Variants in DAAM1 observed in about 807,000 individuals in gnomAD.
The protein encoded by DAAM1 is dishevelled associated activator of morphogenesis 1, also known as disheveled-associated activator of morphogenesis 1.
A neutral mutation model predicts 130.0 loss-of-function variants in DAAM1; 52 were observed. That is an observed-to-expected ratio of 0.40 (90% CI 0.32 to 0.50). DAAM1 has a LOEUF of 0.50. Among genes scored for constraint, DAAM1 ranks in the 20% least tolerant of loss-of-function variants. DAAM1 has a pLI of 0.61. For missense variants in DAAM1, 1,134 were observed against 1,303.8 expected, an observed-to-expected ratio of 0.87 and a Z score of 2.01; for synonymous variants, 452 against 444.5, an observed-to-expected ratio of 1.02 and a Z score of -0.21.
intron 2 of DAAM1, among the ~76,000 whole-genome samples, chr14:59,289,144 T>A (rs1883604107): frequency 6.6e-6 from 1 of 152,106 alleles, no homozygotes; most frequent in African/African-American, 2.4e-5. Context: ...CTTGATCTCC[T>A]GACCTCGTGA....
chr14:59,258,282 T>C (rs986727299), intron 1 of DAAM1, among the ~76,000 whole-genome samples: 1 of 152,180 alleles, frequency 6.6e-6, no homozygotes, highest in African/African-American at 2.4e-5. Context: ...TCTCTACCTT[T>C]ACCAGCAAAT....
rs565344555 is a variant in DAAM1, at chr14:59,192,824, C to T, written c.-38+4056C>T. Reference sequence around the variant, plus strand: ...ATCCCAGCACTTTGGGAGGCCAAGTCGGGAGGATCATGAGGTCAGGACATC... The same window carrying T: ...ATCCCAGCACTTTGGGAGGCCAAGTTGGGAGGATCATGAGGTCAGGACATC... On this transcript the variant is annotated intron_variant, in intron 1 of 24. Transcript: ENST00000360909. Among the ~76,000 whole-genome samples the T allele has an allele frequency of 1.9e-3, 289 of 152,264 alleles. 1 individual carries two copies. Among genetic ancestry groups the T allele is most frequent in the African/African-American group, 6.5e-3 (268 of 41,548 alleles).
At chr14:59,226,605 A>G (rs1004542607) in intron 1 of DAAM1, among the ~76,000 whole-genome samples, 1 of 152,208 alleles carries the variant, frequency 6.6e-6, no homozygotes, top group South Asian at 2.1e-4. Context: ...TGTAAAGTCA[A>G]TCTCTGTATG....
chr14:59,316,955 C>T (rs1461921543), intron 4 of DAAM1, among the ~76,000 whole-genome samples: 1 of 152,132 alleles, frequency 6.6e-6, no homozygotes, highest in Non-Finnish European at 1.5e-5. Context: ...GACTTAATCC[C>T]TGCCTTGTCT....
At chr14:59,253,916 A>T (rs1410597638) in intron 1 of DAAM1, among the ~76,000 whole-genome samples, 1 of 152,266 alleles carries the variant, frequency 6.6e-6, no homozygotes, top group African/African-American at 2.4e-5. Flanking sequence ...AATTAAGTAT[A>T]TATCTATTCA....
intron 4 of DAAM1, among the ~76,000 whole-genome samples, chr14:59,317,454 C>T (rs1177220875): frequency 6.6e-6 from 1 of 152,176 alleles, no homozygotes; most frequent in Non-Finnish European, 1.5e-5. Context: ...TGATAACACA[C>T]AGCAGAAATC....
At chr14:59,196,923 T>C (rs1887914022) in intron 1 of DAAM1, among the ~76,000 whole-genome samples, 1 of 152,152 alleles carries the variant, frequency 6.6e-6, no homozygotes, top group African/African-American at 2.4e-5. Context: ...CCATTTGGAA[T>C]TCTTTTTTCT....
chr14:59,307,802 C>T (rs1393650851), intron 3 of DAAM1, among the ~76,000 whole-genome samples: 1 of 152,140 alleles, frequency 6.6e-6, no homozygotes, highest in Non-Finnish European at 1.5e-5. Flanking sequence ...AAAAACAATG[C>T]TCTAAAGGGA....
chr14:59,307,240 G>A (rs894632774), intron 3 of DAAM1, among the ~76,000 whole-genome samples: 4 of 152,118 alleles, frequency 2.6e-5, no homozygotes, highest in Non-Finnish European at 5.9e-5. Context: ...CACTTCCAAT[G>A]GTTCTTATCC....
intron 17 of DAAM1, among the ~76,000 whole-genome samples, chr14:59,351,037 C>T (rs1032400946): frequency 6.6e-6 from 1 of 152,072 alleles, no homozygotes; most frequent in Non-Finnish European, 1.5e-5. Flanking sequence ...GAACATTAAA[C>T]TCACCTTCTC....
chr14:59,212,547 A>G (rs779241428), intron 1 of DAAM1, among the ~76,000 whole-genome samples: 2 of 152,232 alleles, frequency 1.3e-5, no homozygotes, highest in African/African-American at 4.8e-5. Flanking sequence ...GTACCAATAC[A>G]GGAGACATGT....
chr14:59,309,389 A>G (rs1884491839), intron 3 of DAAM1, among the ~76,000 whole-genome samples: 1 of 152,236 alleles, frequency 6.6e-6, no homozygotes, highest in Non-Finnish European at 1.5e-5. Flanking sequence ...CAAACACTTT[A>G]TGAGCTTATC....
At chr14:59,325,144 T>C (rs1271172161) in intron 8 of DAAM1, among the ~76,000 whole-genome samples, 4 of 152,358 alleles carry the variant, frequency 2.6e-5, no homozygotes, top group Admixed American at 2.0e-4. Flanking sequence ...AGACCTGTTC[T>C]AACCACTGTG....
chr14:59,247,324 A>C lies in DAAM1; in HGVS notation c.-37-16117A>C, dbSNP rs554089876. Among the ~76,000 whole-genome samples the C allele has an allele frequency of 3.9e-5, 6 of 152,222 alleles. No homozygotes were observed. The South Asian group carries it at 1.2e-3, about 32-fold the overall frequency. The stretch of plus-strand genomic sequence containing the variant: ...CTGTTTTGAAATCAGAAAGTACAAG[A>C]CCTCCAGCTTTGTTCTTCTTTTTCA... On this transcript the variant is annotated intron_variant, in intron 1 of 24. Coordinates refer to ENST00000360909, the MANE Select transcript of DAAM1 (RefSeq NM_001270520.2).
At chr14:59,209,514 A>C (rs1166910409) in intron 1 of DAAM1, among the ~76,000 whole-genome samples, 1 of 152,216 alleles carries the variant, frequency 6.6e-6, no homozygotes, top group East Asian at 1.9e-4. Context: ...CATTCAGTAG[A>C]AATTGTACTT....
At chr14:59,346,639 A>G (rs544600181) in intron 16 of DAAM1, among the ~76,000 whole-genome samples, 2 of 152,194 alleles carry the variant, frequency 1.3e-5, no homozygotes, top group South Asian at 2.1e-4. Flanking sequence ...AATGCTTACA[A>G]ATTAAACAAA....
chr14:59,340,185 T>C lies in DAAM1; in HGVS notation c.2075+5T>C, dbSNP rs1379077970. On this transcript the variant is annotated splice_donor_5th_base_variant and intron_variant, in intron 16 of 24. Transcript: ENST00000360909. ...TTGCAACATCCTTCTATCGAGGTAT[T>C]GTTGATGTTGAATAAACATTTCTAG... is the stretch of plus-strand genomic sequence containing the variant. The C allele has an allele frequency of 3.1e-6, 5 of 1,611,524 alleles. No homozygotes were observed. The African/African-American group carries it at 6.7e-5, about 22-fold the overall frequency.
chr14:59,262,007 C>G (rs1882179647), intron 1 of DAAM1, among the ~76,000 whole-genome samples: 1 of 151,924 alleles, frequency 6.6e-6, no homozygotes, highest in East Asian at 1.9e-4. Flanking sequence ...ATATGTTTCT[C>G]CTCCCCTGCC....
intron 2 of DAAM1, among the ~76,000 whole-genome samples, chr14:59,289,774 A>ATATATATATATATATATATATG (rs1883646846): frequency 1.6e-5 from 1 of 60,696 alleles, no homozygotes; most frequent in East Asian, 1.0e-3. Flanking sequence ...TGTGATATAT[A>ATATATATATATATATATATATG]TATATATATA....
Sources: allele counts gnomAD v4.1 joint callset (sites outside exome capture counted in the v4.1 genomes callset), GRCh38; gene constraint gnomAD v4.1.1; transcripts MANE v1.5; gene names NCBI Gene and HGNC (gene_info 2026-07-23, HGNC 2026-07-21).